The following PCDHA9 variants were observed in gnomAD, a reference collection of about 807,000 sequenced individuals.
PCDHA9 encodes the protein protocadherin alpha 9, also known as protocadherin alpha-9.
A neutral mutation model predicts 62.0 loss-of-function variants in PCDHA9; 62 were observed. The observed-to-expected ratio is 1.00, with a 90% CI of 0.81 to 1.23. The LOEUF (loss-of-function observed/expected upper bound fraction) is 1.23. PCDHA9 is among the 50% of genes most tolerant of loss of function. The pLI is 0.00. For missense variants in PCDHA9, 1,205 were observed against 1,249.8 expected (o/e 0.96, Z 0.54); for synonymous variants, 557 against 567.6 (o/e 0.98, Z 0.27).
intron 1 of PCDHA9, among the ~76,000 whole-genome samples, chr5:140,936,322 A>C (rs1225268806): frequency 2.6e-5 from 4 of 152,196 alleles, no homozygotes; most frequent in Admixed American, 6.5e-5. Context: ...CTGACATGCT[A>C]TAAATTTTCT....
At chr5:140,970,082 G>C (rs1203003794) in intron 1 of PCDHA9, among the ~76,000 whole-genome samples, 1 of 152,178 alleles carries the variant, frequency 6.6e-6, no homozygotes, top group Non-Finnish European at 1.5e-5. Context: ...TGGATTAGGG[G>C]TGTGGGGGGA....
chr5:140,973,486 C>G (rs1404281642), intron 1 of PCDHA9, among the ~76,000 whole-genome samples: 1 of 152,162 alleles, frequency 6.6e-6, no homozygotes, highest in African/African-American at 2.4e-5. Context: ...ATATTGGTCA[C>G]AGGACTCTTC....
At chr5:140,966,593 A>G in intron 1 of PCDHA9, 1 of 595,648 alleles carries the variant, frequency 1.7e-6, no homozygotes, top group Non-Finnish European at 2.6e-6. Context: ...CGGTGGGGCC[A>G]GGAGCCCTTG....
rs1238840347 is a variant in PCDHA9 at position 140,858,526 on chromosome 5, AT to A, written c.2394+7642del. On this transcript the variant is annotated intron_variant, in intron 1 of 3. Coordinates refer to ENST00000532602, the MANE Select transcript of PCDHA9 (RefSeq NM_031857.2). ...TCTCAAATATGTATCAGAATATTTC[AT>A]TTTTGTCTACATTCCATTTATGCTT... 6.2e-5 allele frequency: 87 copies of A among 1,407,632 alleles called. 5 individuals carry two copies. The highest frequency in any genetic ancestry group is 8.4e-5 in the Non-Finnish European group (85 of 1,016,948). The allele number at this position is 1,407,632 out of a possible 1,614,324, so 87.2% of individuals were successfully genotyped here.
At chr5:140,999,858 C>G (rs1563644401) in intron 3 of PCDHA9, among the ~76,000 whole-genome samples, 3 of 152,170 alleles carry the variant, frequency 2.0e-5, no homozygotes. Context: ...CTCTTCCGCT[C>G]CAAGATTACT....
Position 140,850,828 on chromosome 5 carries a change from C to T in PCDHA9, c.2333C>T (p.Pro778Leu). Reference sequence around the variant, plus strand: ...ATGGCCTTCAGCCCGGGCCTTTCTCCTTGTGCTGGATCTACAGAGCGAACG... The same window carrying T: ...ATGGCCTTCAGCCCGGGCCTTTCTCTTTGTGCTGGATCTACAGAGCGAACG... ...DLMAFSPGLS[P>L]CAGSTERTGE... Residue 778 changes from proline (P) to leucine (L), a missense_variant, in exon 1 of 4, where the codon CCT (proline) becomes CTT (leucine). Physicochemically the swap from Pro to Leu is moderately conservative, Grantham distance 98. This residue lies in a region of PCDHA9 where 887 missense variants were observed against 809.5 expected (regional missense o/e 1.10). Coordinates refer to ENST00000532602, the MANE Select transcript of PCDHA9 (RefSeq NM_031857.2). The T allele has an allele frequency of 6.3e-7, 1 of 1,598,230 alleles. No homozygotes were observed. Among genetic ancestry groups the T allele is most frequent in the African/African-American group, 1.3e-5 (1 of 74,486 alleles).
At chr5:140,880,297 AG>A (rs1554171244) in intron 1 of PCDHA9, among the ~76,000 whole-genome samples, 1 of 152,250 alleles carries the variant, frequency 6.6e-6, no homozygotes, top group Admixed American at 6.5e-5. Context: ...TCATAGTGTG[AG>A]TGAAAGAAAC....
At chr5:140,944,617 G>A (rs374007868) in intron 1 of PCDHA9, among the ~76,000 whole-genome samples, 6 of 152,192 alleles carry the variant, frequency 3.9e-5, no homozygotes, top group African/African-American at 1.4e-4. Flanking sequence ...TGCTGTAGAA[G>A]TATAGTGTTG....
intron 1 of PCDHA9, among the ~76,000 whole-genome samples, chr5:140,900,751 G>A (rs781973754): frequency 1.3e-5 from 2 of 152,060 alleles, no homozygotes; most frequent in African/African-American, 2.4e-5. Context: ...GGATCACTTG[G>A]TAGCTCTATT....
chr5:140,904,150 C>A (rs1005130566), intron 1 of PCDHA9, among the ~76,000 whole-genome samples: 1 of 152,036 alleles, frequency 6.6e-6, no homozygotes, highest in African/African-American at 2.4e-5. Flanking sequence ...GTATACATTG[C>A]ACCCAGTTTG....
chr5:140,858,054 T>G, intron 1 of PCDHA9: 2 of 1,597,316 alleles, frequency 1.3e-6, no homozygotes, highest in South Asian at 2.2e-5. Flanking sequence ...GTGTCGCTTG[T>G]GGAGGGCAGC....
chr5:140,850,875 G>T lies in PCDHA9; in HGVS notation c.2380G>T (p.Asp794Tyr). The T allele has an allele frequency of 6.3e-7, 1 of 1,590,472 alleles. No individual in the cohort carries two copies. The highest frequency in any genetic ancestry group is 8.6e-7 in the Non-Finnish European group (1 of 1,162,510). The change falls in exon 1 of 4, where the codon GAT (aspartate) becomes TAT (tyrosine). Residue 794 changes from aspartate (D) to tyrosine (Y), a missense_variant. By Grantham distance (160) the Asp-to-Tyr change is radical. This residue lies in a region of PCDHA9 where 887 missense variants were observed against 809.5 expected (regional missense o/e 1.10). Coordinates refer to ENST00000532602, the MANE Select transcript of PCDHA9 (RefSeq NM_031857.2). ...ERTGEPSASS[D>Y]STGKPRQPNP... ...AACGGGAGAACCCTCTGCTTCCTCA[G>T]ATTCAACTGGGAAGGTGGGTTTTTC...
chr5:140,865,091 A>G (rs1010954942), intron 1 of PCDHA9: 3 of 152,218 alleles, frequency 2.0e-5, no homozygotes, highest in Non-Finnish European at 4.4e-5. Context: ...GATATTAATA[A>G]AGGCACTTCC....
chr5:140,970,018 C>G (rs1383957568), intron 1 of PCDHA9, among the ~76,000 whole-genome samples: 9 of 151,942 alleles, frequency 5.9e-5, no homozygotes, highest in African/African-American at 2.2e-4. Context: ...GATGGTGAGG[C>G]AGAGAGATTA....
At chr5:140,912,310 A>T (rs936183695) in intron 1 of PCDHA9, among the ~76,000 whole-genome samples, 1 of 151,764 alleles carries the variant, frequency 6.6e-6, no homozygotes, top group African/African-American at 2.4e-5. Flanking sequence ...AATCCAGTCA[A>T]GTTGACCCTC....
intron 1 of PCDHA9, among the ~76,000 whole-genome samples, chr5:140,924,976 C>T (rs1376073492): frequency 6.6e-6 from 1 of 151,048 alleles, no homozygotes; most frequent in Non-Finnish European, 1.5e-5. Context: ...TGCAGTGGCT[C>T]ATGTCTGTAA....
At chr5:140,853,193 T>C in intron 1 of PCDHA9, 2 of 981,640 alleles carry the variant, frequency 2.0e-6, no homozygotes, top group Non-Finnish European at 2.5e-6. Context: ...ATGTGTTCTT[T>C]ATTATTGACG....
chr5:140,941,202 C>CCTTCCTTTCTTTCTTTCTTTCTTT (rs1554213920), intron 1 of PCDHA9, among the ~76,000 whole-genome samples: 8 of 122,742 alleles, frequency 6.5e-5, no homozygotes, highest in Non-Finnish European at 1.1e-4. Flanking sequence ...TTTCTTTCTT[C>CCTTCCTTTCTTTCTTTCTTTCTTT]CTTTCTTTCT....
Position 140,851,214 on chromosome 5 carries a change from A to G in PCDHA9, c.2394+325A>G. ...AGTTGTTAGTCATTCATTAAACATT[A>G]ACATCACTATCATTTATTTATTGCT... On this transcript the variant is annotated intron_variant, in intron 1 of 3. Coordinates refer to ENST00000532602, the MANE Select transcript of PCDHA9 (RefSeq NM_031857.2). The G allele has an allele frequency of 6.9e-6, 8 of 1,159,680 alleles. 1 individual carries two copies. The highest frequency in any genetic ancestry group is 7.7e-6 in the Non-Finnish European group (7 of 905,618). 71.8% of individuals were successfully genotyped at this position (1,159,680 alleles called of 1,614,324 possible).
Sources: gnomAD v4.1 joint callset for allele counts (sites outside exome capture counted in the v4.1 genomes callset) on GRCh38, gnomAD v4.1.1 for gene constraint, gnomAD v4.1.1 regional missense constraint, MANE v1.5 for transcripts, NCBI Gene and HGNC (gene_info 2026-07-23, HGNC 2026-07-21) for gene names.